Variants in PTPRK observed in about 807,000 individuals in gnomAD.
The protein encoded by PTPRK is protein tyrosine phosphatase receptor type K.
A neutral mutation model predicts 178.0 loss-of-function variants in PTPRK; 75 were observed. The ratio of observed to expected loss-of-function variants is 0.42; its 90% CI spans 0.35 to 0.51. The LOEUF (loss-of-function observed/expected upper bound fraction) is 0.51. PTPRK is among the 20% of genes least tolerant of loss of function. The probability of loss-of-function intolerance (pLI) is 0.02; values close to 1 mark genes in which losing one functional copy is unlikely to be tolerated. For missense variants in PTPRK, 1,441 were observed against 1,797.8 expected, an observed-to-expected ratio of 0.80 and a Z score of 3.59; for synonymous variants, 637 against 620.6, an observed-to-expected ratio of 1.03 and a Z score of -0.39.
At position 128,322,147 on chromosome 6, in the gene PTPRK, C is replaced by T; in HGVS notation, c.387G>A (p.Val129=). ...TTGGATTGGCAAGAGGTCCTTTATT[C>T]ACCCTAACTAATATGTTCAAAGTGC... ...NPGTLNILVR[V]NKGPLANPIW... is the part of the protein sequence containing the mutation. The change falls in exon 3 of 30, where the codon GTG becomes GTA. Residue 129 remains valine, a synonymous_variant. Transcript: ENST00000368226. 1.2e-6 allele frequency: 2 copies of T among 1,613,888 alleles called. No homozygotes were observed. The highest frequency in any genetic ancestry group is 1.7e-6 in the Non-Finnish European group (2 of 1,179,874).
intron 2 of PTPRK, among the ~76,000 whole-genome samples, chr6:128,374,747 C>T (rs1317370831): frequency 6.6e-6 from 1 of 152,170 alleles, no homozygotes; most frequent in Non-Finnish European, 1.5e-5. Flanking sequence ...CCACATCCCG[C>T]ACTCAGTATG....
intron 2 of PTPRK, among the ~76,000 whole-genome samples, chr6:128,364,668 C>A (rs532461261): frequency 7.2e-5 from 11 of 151,936 alleles, no homozygotes; most frequent in Non-Finnish European, 1.5e-4. Flanking sequence ...TCCTAAGCAG[C>A]AATTATTGGG....
At chr6:128,327,397 A>T (rs1158662901) in intron 2 of PTPRK, among the ~76,000 whole-genome samples, 2 of 152,156 alleles carry the variant, frequency 1.3e-5, no homozygotes, top group African/African-American at 2.4e-5. Context: ...GCAAAATTTC[A>T]ATTTCTTTGC....
At chr6:128,386,490 A>C (rs1293313631) in intron 2 of PTPRK, among the ~76,000 whole-genome samples, 1 of 152,208 alleles carries the variant, frequency 6.6e-6, no homozygotes, top group African/African-American at 2.4e-5. Context: ...TAAAAGAGGA[A>C]GGAATTCACC....
chr6:128,083,831 AAC>A lies in PTPRK; in HGVS notation c.1466-9_1466-8del. The A allele has an allele frequency of 6.6e-7, 1 of 1,512,402 alleles. No individual in the cohort carries two copies. Among genetic ancestry groups the A allele is most frequent in the Non-Finnish European group, 9.0e-7 (1 of 1,117,294 alleles). 93.7% of individuals were successfully genotyped at this position (1,512,402 alleles called of 1,614,324 possible). A position where few individuals can be genotyped will look rare whatever the true frequency, so the allele number is the denominator to read the frequency against. ...ACTGGTACGGGACCAGGCACTACAA[AAC>A]ACATGAATTTTTTGTTATGAAAATG... is the stretch of plus-strand genomic sequence containing the variant. On this transcript the variant is annotated splice_polypyrimidine_tract_variant and splice_region_variant and intron_variant, in intron 8 of 29. Coordinates refer to ENST00000368226, the MANE Select transcript of PTPRK (RefSeq NM_002844.4).
At chr6:128,031,312 T>A (rs1051335238) in intron 13 of PTPRK, among the ~76,000 whole-genome samples, 1 of 152,194 alleles carries the variant, frequency 6.6e-6, no homozygotes, top group East Asian at 1.9e-4. Context: ...ACACCAAGCT[T>A]GGTACATTTT....
rs1318727334 is a variant in PTPRK, at chr6:128,089,862, G to A, written c.1293C>T (p.Tyr431=). ...CCTTGCTCTCGTTGTGACCACGGAA[G>A]TAATGGTAGCAGATAGTGACATTAA... ...HTFNVTICYH[Y]FRGHNESKAD... Residue 431 remains tyrosine, a synonymous_variant, in exon 8 of 30, where the codon TAC becomes TAT. Transcript: ENST00000368226. 1 of 1,614,080 alleles carries A rather than the reference G, an allele frequency of 6.2e-7. No individual in the cohort carries two copies. The highest frequency in any genetic ancestry group is 1.3e-5 in the African/African-American group (1 of 75,050).
At chr6:128,417,946 C>T (rs1230747804) in intron 1 of PTPRK, among the ~76,000 whole-genome samples, 1 of 152,144 alleles carries the variant, frequency 6.6e-6, no homozygotes, top group African/African-American at 2.4e-5. Flanking sequence ...CACATTACTT[C>T]CCACCCATAT....
intron 1 of PTPRK, among the ~76,000 whole-genome samples, chr6:128,479,652 C>A (rs117719926): frequency 6.6e-6 from 1 of 151,946 alleles, no homozygotes; most frequent in Admixed American, 6.6e-5. Flanking sequence ...AGATGGTAAA[C>A]CAGTATAGGT....
chr6:128,139,965 T>C (rs990496256), intron 7 of PTPRK, among the ~76,000 whole-genome samples: 5 of 151,992 alleles, frequency 3.3e-5, no homozygotes, highest in Non-Finnish European at 7.4e-5. Flanking sequence ...TGCCAACAAA[T>C]GCTGGGAACA....
chr6:128,146,263 G>GA (rs1264077717), intron 7 of PTPRK, among the ~76,000 whole-genome samples: 84 of 152,222 alleles, frequency 5.5e-4, no homozygotes, highest in African/African-American at 2.0e-3. Context: ...CTGTATTTAT[G>GA]AAAACTCATT....
At chr6:128,056,968 A>G (rs1780010335) in intron 13 of PTPRK, among the ~76,000 whole-genome samples, 1 of 152,212 alleles carries the variant, frequency 6.6e-6, no homozygotes, top group African/African-American at 2.4e-5. Flanking sequence ...AGTGTTTTCA[A>G]GAAATACTTT....
chr6:128,450,566 C>T (rs1427193852), intron 1 of PTPRK, among the ~76,000 whole-genome samples: 1 of 152,154 alleles, frequency 6.6e-6, no homozygotes, highest in Non-Finnish European at 1.5e-5. Flanking sequence ...GAGGTCAAAA[C>T]CATTTCCACG....
At chr6:128,073,425 G>C (rs903781680) in intron 11 of PTPRK, among the ~76,000 whole-genome samples, 1 of 151,968 alleles carries the variant, frequency 6.6e-6, no homozygotes, top group Non-Finnish European at 1.5e-5. Context: ...TATTTTATAT[G>C]GGTTGGTCAA....
At chr6:128,194,624 C>T (rs1804548055) in intron 6 of PTPRK, among the ~76,000 whole-genome samples, 1 of 152,144 alleles carries the variant, frequency 6.6e-6, no homozygotes, top group Admixed American at 6.5e-5. Flanking sequence ...ACAATCAAGT[C>T]AGCAATAAAA....
intron 7 of PTPRK, among the ~76,000 whole-genome samples, chr6:128,124,194 C>A (rs978182880): frequency 1.3e-5 from 2 of 152,052 alleles, no homozygotes; most frequent in African/African-American, 2.4e-5. Context: ...CAGGCATGCA[C>A]CACCACAACA....
At chr6:128,148,510 G>A (rs1267688590) in intron 7 of PTPRK, among the ~76,000 whole-genome samples, 1 of 152,108 alleles carries the variant, frequency 6.6e-6, no homozygotes, top group Non-Finnish European at 1.5e-5. Flanking sequence ...ATTGTAGAAG[G>A]TGATCCTCTT....
chr6:127,972,666 C>T (rs1001222720), intron 29 of PTPRK, among the ~76,000 whole-genome samples: 16 of 152,152 alleles, frequency 1.1e-4, no homozygotes, highest in Non-Finnish European at 2.1e-4. Context: ...GTCTAAGGTA[C>T]TGATGAAACC....
intron 5 of PTPRK, among the ~76,000 whole-genome samples, chr6:128,227,403 AGACT>A (rs1562826952): frequency 6.6e-6 from 1 of 152,210 alleles, no homozygotes; most frequent in Admixed American, 6.5e-5. Context: ...ACATAAAAAC[AGACT>A]GACTAATAAG....
Sources: allele counts gnomAD v4.1 joint callset (sites outside exome capture counted in the v4.1 genomes callset), GRCh38; gene constraint gnomAD v4.1.1; transcripts MANE v1.5; gene names NCBI Gene and HGNC (gene_info 2026-07-23, HGNC 2026-07-21).